ZIM3: variants seen among roughly 807,000 people sequenced by gnomAD.
ZIM3 encodes the protein zinc finger imprinted 3.
In ZIM3, 11 loss-of-function variants were observed where a neutral mutation model predicts 12.9. The observed-to-expected ratio is 0.85, with a 90% CI of 0.54 to 1.41. The LOEUF is 1.41. ZIM3 is among the 40% of genes most tolerant of loss of function. ZIM3 has a pLI of 0.00. For missense variants in ZIM3, 604 were observed against 557.2 expected, an observed-to-expected ratio of 1.08 and a Z score of -0.85; for synonymous variants, 205 against 198.5, an observed-to-expected ratio of 1.03 and a Z score of -0.28.
In ZIM3 at chr19:57,134,935, T is replaced by C; in HGVS notation, c.1402A>G (p.Arg468Gly). The change falls in exon 5 of 5, where the codon AGA becomes GGA. Residue 468 changes from arginine (R) to glycine (G), a missense_variant. Arg to Gly is a moderately radical substitution (Grantham distance 125, BLOSUM62 -2). Transcript: ENST00000269834. ...DRSYLVRHQK[R>G]IHSR ...TGGGGCTCCTATCTGGAGTGAATTC[T>C]TTTCTGGTGCCTAACAAGGTATGAC... 1 of 1,611,632 alleles carries C rather than the reference T, an allele frequency of 6.2e-7. No homozygotes were observed. Among genetic ancestry groups the C allele is most frequent in the Non-Finnish European group, 8.5e-7 (1 of 1,178,714 alleles).
chr19:57,143,153 C>T (rs573090437), intron 1 of ZIM3, among the ~76,000 whole-genome samples: 4 of 152,068 alleles, frequency 2.6e-5, no homozygotes, highest in Non-Finnish European at 5.9e-5. Flanking sequence ...CGGTGAAACC[C>T]TGTCTCTACT....
At chr19:57,136,451 T>A (rs1451907509) in intron 4 of ZIM3, among the ~76,000 whole-genome samples, 2 of 151,588 alleles carry the variant, frequency 1.3e-5, no homozygotes, top group Admixed American at 1.3e-4. Flanking sequence ...TTGCCTGAGG[T>A]CGGGGGTTCA....
At position 57,143,557 on chromosome 19, in the gene ZIM3, T is replaced by G. The variant is rs1258342622; in HGVS notation, c.-42-872A>C. ...TCAGCTTTGCCATAAGCGGGACAGC[T>G]GGATCATTGGTAATTCTTTGCCAAA... On this transcript the variant is annotated intron_variant, in intron 1 of 4. Transcript: ENST00000269834. Among the ~76,000 whole-genome samples the G allele has an allele frequency of 2.0e-5, 3 of 152,082 alleles. No homozygotes were observed. In the East Asian group the frequency reaches 5.8e-4, roughly 30 times the overall value.
intron 2 of ZIM3, among the ~76,000 whole-genome samples, chr19:57,142,142 CTTT>C (rs35172118): frequency 1.8e-4 from 20 of 112,404 alleles, no homozygotes; most frequent in Non-Finnish European, 2.3e-4. Flanking sequence ...CGTAACCAAG[CTTT>C]TTTTTTTTTT....
rs1033019556 is a variant in ZIM3 at position 57,141,864 on chromosome 19, TCAACTGAAACTCACCA to T, written c.15+749_15+764del. On this transcript the variant is annotated intron_variant, in intron 2 of 4. Coordinates refer to ENST00000269834, the MANE Select transcript of ZIM3 (RefSeq NM_052882.1). Reference sequence around the variant, plus strand: ...GCGAGACTCCCTCAAAAAAAAAAAATCAACTGAAACTCACCACAACTGAAACTCACCACAACAGATG... The same window carrying T: ...GCGAGACTCCCTCAAAAAAAAAAAATCAACTGAAACTCACCACAACAGATG... Among the ~76,000 whole-genome samples the T allele has an allele frequency of 1.9e-4, 27 of 145,908 alleles. No individual in the cohort carries two copies. The South Asian group carries it at 3.8e-3, about 21-fold the overall frequency.
rs1465975780 is a variant in ZIM3 at position 57,135,027 on chromosome 19, T to G, written c.1310A>C (p.His437Pro). The change falls in exon 5 of 5, where the codon CAT becomes CCT. Residue 437 changes from histidine to proline, a missense_variant. By Grantham distance (77) the His-to-Pro change is moderately conservative (BLOSUM62 -2). Coordinates refer to ENST00000269834, the MANE Select transcript of ZIM3 (RefSeq NM_052882.1). ...TTTTTGTCCAGTATGGGTTTTTTTA[T>G]GCAAACTAAGGTTTAATTTCCGGAT... ...TFIRKLNLSLHKKTHTGQKPY... is the reference protein window; with the variant it reads ...TFIRKLNLSLPKKTHTGQKPY... 6.2e-7 allele frequency: 1 copy of G among 1,614,184 alleles called. No homozygotes were observed. The highest frequency in any genetic ancestry group is 8.5e-7 in the Non-Finnish European group (1 of 1,180,024).
chr19:57,135,614 A>T lies in ZIM3; in HGVS notation c.723T>A (p.His241Gln), dbSNP rs1336236550. Residue 241 changes from histidine (H) to glutamine (Q), a missense_variant, in exon 5 of 5, where the codon CAT becomes CAA. Physicochemically the swap from His to Gln is conservative, Grantham distance 24. Transcript: ENST00000269834. Reference protein sequence around the residue: ...AYKQKSNLFQHQKMHTKEKPY... With the variant: ...AYKQKSNLFQQQKMHTKEKPY... ...GTTTCTCTTTAGTATGCATTTTCTG[A>T]TGTTGAAAGAGATTTGACTTCTGCT... 6.2e-7 allele frequency: 1 copy of T among 1,611,890 alleles called. No individual in the cohort carries two copies. The highest frequency in any genetic ancestry group is 1.7e-5 in the Admixed American group (1 of 59,976).
chr19:57,142,854 T>G (rs548222078), intron 1 of ZIM3, among the ~76,000 whole-genome samples, 169 bp from the exon 2 acceptor site: 8 of 151,986 alleles, frequency 5.3e-5, no homozygotes, highest in South Asian at 2.1e-4. Flanking sequence ...TTTTTTTTTG[T>G]TTTGGTTTTT....
intron 2 of ZIM3, among the ~76,000 whole-genome samples, chr19:57,139,928 C>G (rs986854260): frequency 1.3e-5 from 2 of 152,216 alleles, no homozygotes; most frequent in Non-Finnish European, 2.9e-5. Context: ...TACCACACTC[C>G]CACTCACACA....
chr19:57,137,958 G>GGAAA (rs2086895724), intron 3 of ZIM3, among the ~76,000 whole-genome samples: 1 of 56,872 alleles, frequency 1.8e-5, no homozygotes, highest in Non-Finnish European at 3.2e-5. Context: ...AAAGAAGGAA[G>GGAAA]GAAGGAAGGA....
rs763595076 is a variant in ZIM3, at chr19:57,135,523, T to C, written c.814A>G (p.Ile272Val). 79 of 1,613,978 alleles carry C rather than the reference T, an allele frequency of 4.9e-5. No individual in the cohort carries two copies. The Admixed American group carries it at 1.3e-3, about 27-fold the overall frequency. Residue 272 changes from isoleucine (I) to valine (V), a missense_variant, in exon 5 of 5, where the codon ATT (isoleucine) becomes GTT (valine). Ile to Val is a conservative substitution (Grantham distance 29). Transcript: ENST00000269834. Reference protein sequence around the residue: ...WKSSCINHEKIHNAKKSYQCN... With the variant: ...WKSSCINHEKVHNAKKSYQCN... Reference sequence around the variant, plus strand: ...TGATAGGATTTCTTGGCATTATGAATTTTCTCATGATTAATGCAGGATGAT... The same window carrying C: ...TGATAGGATTTCTTGGCATTATGAACTTTCTCATGATTAATGCAGGATGAT...
At position 57,136,975 on chromosome 19, in the gene ZIM3, T is replaced by C; in HGVS notation, c.143-4A>G. 1 of 1,614,066 alleles carries C rather than the reference T, an allele frequency of 6.2e-7. No individual in the cohort carries two copies. Among genetic ancestry groups the C allele is most frequent in the Non-Finnish European group, 8.5e-7 (1 of 1,179,948 alleles). On this transcript the variant is annotated splice_region_variant and splice_polypyrimidine_tract_variant and intron_variant, in intron 3 of 4. Coordinates refer to ENST00000269834, the MANE Select transcript of ZIM3 (RefSeq NM_052882.1). Reference sequence around the variant, plus strand: ...GGTTTGGTGGTTTCCCCTTGTCCTGTGATGGAAGATACCGCAAGGCTTGGT... The same window carrying C: ...GGTTTGGTGGTTTCCCCTTGTCCTGCGATGGAAGATACCGCAAGGCTTGGT...
rs1157760803 is a variant in ZIM3 at position 57,134,852 on chromosome 19, TG to T, written c.*65del. 4 of 1,497,042 alleles carry T rather than the reference TG, an allele frequency of 2.7e-6. No homozygotes were observed. The Admixed American group carries it at 6.6e-5, about 25-fold the overall frequency. 92.7% of individuals were successfully genotyped at this position (1,497,042 alleles called of 1,614,324 possible). ...CTCCAAATTAGAGGCCATTTCAACA[TG>T]GAATTCTGGGGTGACAATTCCAGGC... On this transcript the variant is annotated 3_prime_UTR_variant, in exon 5 of 5. Transcript: ENST00000269834.
chr19:57,135,740 G>C lies in ZIM3; in HGVS notation c.597C>G (p.Ser199Arg). ...ACTTCTCCCCGAATGCTCTTCCACA[G>C]CTATGACATTCAAAGGGTTTTTGAC... is the stretch of plus-strand genomic sequence containing the variant. ...HACQKPFECH[S>R]CGRAFGEKWK... The change falls in exon 5 of 5, where the codon AGC becomes AGG. Residue 199 changes from serine to arginine, a missense_variant. Physicochemically the swap from Ser to Arg is moderately radical, Grantham distance 110. Coordinates refer to ENST00000269834, the MANE Select transcript of ZIM3 (RefSeq NM_052882.1). 6.2e-7 allele frequency: 1 copy of C among 1,613,962 alleles called. No individual in the cohort carries two copies. Among genetic ancestry groups the C allele is most frequent in the Non-Finnish European group, 8.5e-7 (1 of 1,180,024 alleles).
At chr19:57,138,372 G>A (rs1198292009) in intron 3 of ZIM3, 100 bp downstream of exon 3, 1 of 1,542,416 alleles carries the variant, frequency 6.5e-7, no homozygotes, top group Non-Finnish European at 8.9e-7. Flanking sequence ...TATGCGAAGT[G>A]AGGAGCACCT....
rs1182848462 is a variant in ZIM3, at chr19:57,136,895, T to G, written c.219A>C (p.Glu73Asp). The stretch of plus-strand genomic sequence containing the variant: ...TACCTGCACGGCCACTTCCCAGCAC[T>G]TCCTCTTCCTCCAACCATGGCTCCT... ...QGKEPWLEEE[E>D]VLGSGRAEKN... Residue 73 changes from glutamate (E) to aspartate (D), a missense_variant, in exon 4 of 5, where the codon GAA becomes GAC. Glu to Asp is a conservative substitution (Grantham distance 45). Transcript: ENST00000269834. The G allele has an allele frequency of 1.9e-6, 3 of 1,614,152 alleles. No individual in the cohort carries two copies. The highest frequency in any genetic ancestry group is 1.7e-6 in the Non-Finnish European group (2 of 1,180,026).
At chr19:57,137,048 G>A in intron 3 of ZIM3, 77 bp from the exon 4 acceptor site, 1 of 1,381,976 alleles carries the variant, frequency 7.2e-7, no homozygotes. Flanking sequence ...GTGTATATAA[G>A]CGCTTGCGTA....
At chr19:57,136,193 T>C (rs911385547) in intron 4 of ZIM3, 98 bp from the exon 5 acceptor site, 2 of 1,171,720 alleles carry the variant, frequency 1.7e-6, no homozygotes, top group African/African-American at 3.1e-5. Context: ...TTATTCTGGC[T>C]TCAAACCTAA....
intron 2 of ZIM3, among the ~76,000 whole-genome samples, chr19:57,142,289 G>C (rs575496087): frequency 4.6e-5 from 7 of 151,842 alleles, no homozygotes; most frequent in African/African-American, 1.7e-4. Context: ...GACTACAGGT[G>C]TACGCCACCA....
Sources: gnomAD v4.1 joint callset for allele counts (sites outside exome capture counted in the v4.1 genomes callset) on GRCh38, gnomAD v4.1.1 for gene constraint, MANE v1.5 for transcripts, NCBI Gene and HGNC (gene_info 2026-07-23, HGNC 2026-07-21) for gene names.